Variants in SMIM10L3 observed in about 807,000 individuals in gnomAD.
SMIM10L3 encodes the protein salivary gland specific protein SAGSIN1.
the SMIM10L3 span, among the ~76,000 whole-genome samples, chr7:6,336,390 A>G: frequency 2.0e-5 from 3 of 151,262 alleles, no homozygotes; most frequent in African/African-American, 4.8e-5. Context: ...AACCACATAA[A>G]AGAATACAGG....
chr7:6,333,471 A>G, the SMIM10L3 span, among the ~76,000 whole-genome samples: 1 of 152,148 alleles, frequency 6.6e-6, no homozygotes, highest in Admixed American at 6.6e-5. Context: ...CTGTGATCAT[A>G]AGGAGGGACA....
chr7:6,331,270 A>C, the SMIM10L3 span: 6 of 1,034,816 alleles, frequency 5.8e-6, no homozygotes, highest in Non-Finnish European at 8.3e-6. Flanking sequence ...TTCTAAAATG[A>C]AGACACATGG....
the SMIM10L3 span, chr7:6,330,687 T>G: frequency 1.2e-6 from 2 of 1,614,094 alleles, no homozygotes; most frequent in Non-Finnish European, 1.7e-6. Context: ...TTTGATGGCG[T>G]GGCAGTCGTG....
chr7:6,341,441 C>CA, the SMIM10L3 span, among the ~76,000 whole-genome samples: 1 of 142,694 alleles, frequency 7.0e-6, no homozygotes, highest in African/African-American at 2.7e-5. Flanking sequence ...GACTCTGTCT[C>CA]AAAAAAATAA....
the SMIM10L3 span, chr7:6,348,819 A>C: frequency 1.0e-5 from 4 of 394,920 alleles, no homozygotes; most frequent in Non-Finnish European, 1.3e-5. Context: ...TCGCCCCGGC[A>C]GCTGACCCTC....
At chr7:6,339,162 TG>T in the SMIM10L3 span, among the ~76,000 whole-genome samples, 1 of 152,134 alleles carries the variant, frequency 6.6e-6, no homozygotes, top group Admixed American at 6.6e-5. Context: ...ACTCGCCACT[TG>T]GCACGTCTAA....
the SMIM10L3 span, chr7:6,330,252 C>T: frequency 3.2e-6 from 3 of 949,448 alleles, no homozygotes; most frequent in Non-Finnish European, 4.7e-6. Context: ...TTAAGTCTGC[C>T]AGGTCGTACA....
the SMIM10L3 span, among the ~76,000 whole-genome samples, chr7:6,347,536 C>T: frequency 1.3e-5 from 2 of 151,678 alleles, no homozygotes; most frequent in Non-Finnish European, 2.9e-5. Context: ...AAAAGAGATA[C>T]CAATTTTTTA....
the SMIM10L3 span, among the ~76,000 whole-genome samples, chr7:6,333,995 C>T: frequency 6.0e-5 from 9 of 151,160 alleles, no homozygotes; most frequent in Admixed American, 1.3e-4. Context: ...TACAGGCACC[C>T]GCCACCACGC....
chr7:6,343,697 A>C, the SMIM10L3 span, among the ~76,000 whole-genome samples: 1 of 151,982 alleles, frequency 6.6e-6, no homozygotes, highest in Non-Finnish European at 1.5e-5. Context: ...CATTCTCAGT[A>C]TACAACTGTC....
the SMIM10L3 span, among the ~76,000 whole-genome samples, chr7:6,346,711 C>T: frequency 2.6e-5 from 4 of 152,064 alleles, no homozygotes; most frequent in East Asian, 1.9e-4. Context: ...GATCAACAGC[C>T]GGTGTTAGGT....
the SMIM10L3 span, among the ~76,000 whole-genome samples, chr7:6,340,408 G>C: frequency 2.6e-5 from 4 of 152,176 alleles, no homozygotes; most frequent in Non-Finnish European, 5.9e-5. Flanking sequence ...TGTGTGTACA[G>C]ACACAGCCCC....
chr7:6,336,309 C>G, the SMIM10L3 span, among the ~76,000 whole-genome samples: 1 of 152,038 alleles, frequency 6.6e-6, no homozygotes, highest in Non-Finnish European at 1.5e-5. Flanking sequence ...GATCACACCA[C>G]TATACTCCAG....
the SMIM10L3 span, among the ~76,000 whole-genome samples, chr7:6,348,099 G>C: frequency 6.6e-6 from 1 of 151,286 alleles, no homozygotes; most frequent in Non-Finnish European, 1.5e-5. Flanking sequence ...TAGTAGAGAC[G>C]GGGTTTCTCC....
chr7:6,334,628 G>A, the SMIM10L3 span, among the ~76,000 whole-genome samples: 78 of 151,958 alleles, frequency 5.1e-4, no homozygotes, highest in African/African-American at 1.1e-3. Context: ...CGCCACGCCC[G>A]GCTAATTTTT....
chr7:6,348,384 G>A, the SMIM10L3 span, among the ~76,000 whole-genome samples: 1 of 152,190 alleles, frequency 6.6e-6, no homozygotes, highest in African/African-American at 2.4e-5. Flanking sequence ...GACCCCCAGT[G>A]CCGCGTTTGC....
the SMIM10L3 span, among the ~76,000 whole-genome samples, chr7:6,348,089 T>C: frequency 2.0e-5 from 3 of 151,542 alleles, no homozygotes; most frequent in East Asian, 1.9e-4. Flanking sequence ...TCTGTATTTT[T>C]AGTAGAGACG....
chr7:6,332,061 G>C, the SMIM10L3 span, among the ~76,000 whole-genome samples: 23 of 149,824 alleles, frequency 1.5e-4, no homozygotes, highest in Admixed American at 2.0e-4. Context: ...GCTGTGAGCC[G>C]AGATCATGCC....
chr7:6,335,990 C>T, the SMIM10L3 span, among the ~76,000 whole-genome samples: 6 of 151,930 alleles, frequency 3.9e-5, 1 homozygote, highest in South Asian at 2.1e-4. Context: ...CTGGTCTACA[C>T]GGTGAAACCC....
Sources: gnomAD v4.1 joint callset for allele counts (sites outside exome capture counted in the v4.1 genomes callset) on GRCh38, gnomAD v4.1.1 for gene constraint, MANE v1.5 for transcripts, NCBI Gene and HGNC (gene_info 2026-07-23, HGNC 2026-07-21) for gene names.